EPHB2: variants seen among roughly 807,000 people sequenced by gnomAD.
EPHB2 encodes EPH receptor B2.
EPHB2 carries 18 observed loss-of-function variants against 96.4 expected under a neutral mutation model. That is an observed-to-expected ratio of 0.19 (90% confidence interval 0.13 to 0.28). EPHB2 has a LOEUF of 0.28. Among genes scored for constraint, EPHB2 ranks in the 10% least tolerant of loss-of-function variants. The pLI is 1.00. For synonymous variants in EPHB2, 506 were observed against 534.1 expected (o/e 0.95, Z 0.72); for missense variants, 989 against 1,355.4 (o/e 0.73, Z 4.25).
At chr1:22,736,010 C>T (rs74060655) in intron 1 of EPHB2, among the ~76,000 whole-genome samples, 3,130 of 152,320 alleles carry the variant, frequency 0.021, 99 homozygotes, top group African/African-American at 0.07. Flanking sequence ...TTTCGATAGG[C>T]TCTTTTCCCT....
At chr1:22,794,335 G>A (rs1644737737) in intron 3 of EPHB2, among the ~76,000 whole-genome samples, 2 of 152,090 alleles carry the variant, frequency 1.3e-5, no homozygotes, top group Non-Finnish European at 2.9e-5. Context: ...AGGCAGGATG[G>A]AACACAGTCC....
At position 22,764,449 on chromosome 1, in the gene EPHB2, A is replaced by G. The variant is rs141201131; in HGVS notation, c.62-16972A>G. Among the ~76,000 whole-genome samples the G allele has an allele frequency of 5.1e-3, 776 of 152,268 alleles. 12 individuals are homozygous for G. The highest frequency in any genetic ancestry group is 0.018 in the African/African-American group (746 of 41,556). On this transcript the variant is annotated intron_variant, in intron 1 of 15. Coordinates refer to ENST00000374630, the MANE Select transcript of EPHB2 (RefSeq NM_017449.5). ...GGTAGTGGGTTAGGAAGTGGGGTTC[A>G]AATGTAAATGACTCTGCCGGGCTTG...
intron 3 of EPHB2, among the ~76,000 whole-genome samples, chr1:22,829,520 T>C (rs1199515964): frequency 6.6e-6 from 1 of 152,242 alleles, no homozygotes; most frequent in Admixed American, 6.5e-5. Context: ...CCTGCCTGTC[T>C]AGTGCACAAA....
chr1:22,864,749 G>C, intron 4 of EPHB2, 128 bp from the exon 5 acceptor site: 1 of 626,402 alleles, frequency 1.6e-6, no homozygotes, highest in Non-Finnish European at 2.8e-6. Flanking sequence ...CTCTGGTGGG[G>C]AGACAGGACA....
chr1:22,875,909 TG>T lies in EPHB2; in HGVS notation c.1304-6445del, dbSNP rs1426305045. 1.3e-5 allele frequency among the ~76,000 whole-genome samples: 2 copies of T among 151,518 alleles called. No homozygotes were observed. The highest frequency in any genetic ancestry group is 2.9e-5 in the Non-Finnish European group (2 of 67,894). On this transcript the variant is annotated intron_variant, in intron 5 of 15. Coordinates refer to ENST00000374630, the MANE Select transcript of EPHB2 (RefSeq NM_017449.5). This position sits in a 1 kb window ranked among gnomAD's most constrained non-coding sequence, Gnocchi z 4.2. ...GAGGAGGATTTGGCCATGGAAGATG[TG>T]GGGGAAGAGGTTTCCAAGCAGAAAC...
intron 6 of EPHB2, among the ~76,000 whole-genome samples, chr1:22,884,944 C>T (rs946111866): frequency 2.6e-5 from 4 of 152,112 alleles, no homozygotes; most frequent in Admixed American, 2.0e-4. Context: ...AAGTAAGTTC[C>T]TTGAGGGTGA....
In EPHB2 at chr1:22,875,881, G is replaced by A. The variant is rs1035226576; in HGVS notation, c.1304-6478G>A. On this transcript the variant is annotated intron_variant, in intron 5 of 15. Coordinates refer to ENST00000374630, the MANE Select transcript of EPHB2 (RefSeq NM_017449.5). This position sits in a 1 kb window ranked among gnomAD's most constrained non-coding sequence, Gnocchi z 4.2. ...TTGACATTTGAGCTGAGACTTCAAT[G>A]AAGAGGAGGATTTGGCCATGGAAGA... is the stretch of plus-strand genomic sequence containing the variant. Among the ~76,000 whole-genome samples, 2 of 152,128 alleles carry A rather than the reference G, an allele frequency of 1.3e-5. No individual in the cohort carries two copies. The highest frequency in any genetic ancestry group is 4.8e-5 in the African/African-American group (2 of 41,430).
chr1:22,827,069 G>A (rs140979587), intron 3 of EPHB2, among the ~76,000 whole-genome samples: 7 of 152,244 alleles, frequency 4.6e-5, no homozygotes, highest in Admixed American at 2.6e-4. Context: ...CTCCTGCCCC[G>A]CTTCCTCCCT....
chr1:22,867,732 C>G (rs929345504), intron 5 of EPHB2, among the ~76,000 whole-genome samples: 2 of 152,052 alleles, frequency 1.3e-5, no homozygotes, highest in African/African-American at 4.8e-5. Flanking sequence ...ATTAGCCAGG[C>G]GTGGTGGTGA....
At chr1:22,891,530 G>C (rs1320123416) in intron 6 of EPHB2, among the ~76,000 whole-genome samples, 1 of 152,232 alleles carries the variant, frequency 6.6e-6, no homozygotes. Context: ...AGTGCAAAGA[G>C]GATATTTGGG....
At chr1:22,786,052 C>T (rs1039410028) in intron 3 of EPHB2, among the ~76,000 whole-genome samples, 3 of 152,228 alleles carry the variant, frequency 2.0e-5, no homozygotes, top group African/African-American at 7.2e-5. Context: ...TGAAGGTGGT[C>T]TGCAAACAAG....
In EPHB2 at chr1:22,799,246, GAGA is replaced by G; in HGVS notation, c.811+14173_811+14175del. 2.0e-5 allele frequency among the ~76,000 whole-genome samples: 3 copies of G among 152,218 alleles called. No homozygotes were observed. In the South Asian group the frequency reaches 6.2e-4, roughly 32 times the overall value. The stretch of plus-strand genomic sequence containing the variant: ...CTACCTGGTCCTTGTGGCACTCCTC[GAGA>G]AGCCATCAGGACAGCTGTGACCTTC... On this transcript the variant is annotated intron_variant, in intron 3 of 15. Coordinates refer to ENST00000374630, the MANE Select transcript of EPHB2 (RefSeq NM_017449.5).
chr1:22,876,442 A>G (rs965806585), intron 5 of EPHB2, among the ~76,000 whole-genome samples: 8 of 152,116 alleles, frequency 5.3e-5, no homozygotes, highest in African/African-American at 1.2e-4. Flanking sequence ...TCCTTCCCCA[A>G]GTCTCAGCCA....
At chr1:22,864,848 C>A (rs776762753) in intron 4 of EPHB2, 29 bp from the exon 5 acceptor site, 19 of 1,505,464 alleles carry the variant, frequency 1.3e-5, no homozygotes, top group South Asian at 4.8e-5. Flanking sequence ...CTGAGCCCCC[C>A]ACTGACCAAC....
intron 3 of EPHB2, among the ~76,000 whole-genome samples, chr1:22,834,941 A>T (rs1162565550): frequency 1.3e-5 from 2 of 152,200 alleles, no homozygotes; most frequent in African/African-American, 4.8e-5. Flanking sequence ...ATAAAAAAAT[A>T]AAAAATAAAA....
Position 22,858,297 on chromosome 1 carries a change from T to C in EPHB2, c.812-4740T>C, listed in dbSNP as rs1645735528. ...AGGCCTTGTAGCCAGGCTAGGCATGTGGGTCTATTCTAAGTGCAGTGGGGA... is the reference window on the plus strand; with the variant it reads ...AGGCCTTGTAGCCAGGCTAGGCATGCGGGTCTATTCTAAGTGCAGTGGGGA... On this transcript the variant is annotated intron_variant, in intron 3 of 15. Coordinates refer to ENST00000374630, the MANE Select transcript of EPHB2 (RefSeq NM_017449.5). The surrounding 1 kb of genome is among the most constrained non-coding windows in gnomAD (Gnocchi z 7.7). Among the ~76,000 whole-genome samples the C allele has an allele frequency of 6.6e-6, 1 of 152,138 alleles. No individual in the cohort carries two copies. Among genetic ancestry groups the C allele is most frequent in the Non-Finnish European group, 1.5e-5 (1 of 68,018 alleles).
intron 3 of EPHB2, among the ~76,000 whole-genome samples, chr1:22,819,209 CT>C: frequency 1.0e-5 from 1 of 100,480 alleles, no homozygotes; most frequent in Non-Finnish European, 2.1e-5. Context: ...GCAGATGTCT[CT>C]CTCTCTCTCT....
intron 11 of EPHB2, among the ~76,000 whole-genome samples, 193 bp downstream of exon 11, chr1:22,907,150 G>T (rs1639944525): frequency 6.6e-6 from 1 of 152,184 alleles, no homozygotes. Flanking sequence ...CATCCACTAA[G>T]CCCAGAGGCA....
chr1:22,817,063 C>T (rs141903710), intron 3 of EPHB2, among the ~76,000 whole-genome samples: 1 of 152,326 alleles, frequency 6.6e-6, no homozygotes, highest in East Asian at 1.9e-4. Context: ...ACAGGAAGAT[C>T]AATACCAAGG....
Sources: gnomAD v4.1 joint callset for allele counts (sites outside exome capture counted in the v4.1 genomes callset) on GRCh38, gnomAD v4.1.1 for gene constraint, Gnocchi (gnomAD v3.1) non-coding constraint, MANE v1.5 for transcripts, NCBI Gene and HGNC (gene_info 2026-07-23, HGNC 2026-07-21) for gene names.